Variants in ZFPM1 observed in about 807,000 individuals in gnomAD.
ZFPM1 encodes the protein zinc finger protein, FOG family member 1, also known as zinc finger protein ZFPM1.
In ZFPM1, 28 loss-of-function variants were observed where a neutral mutation model predicts 46.3. The observed-to-expected ratio is 0.60, with a 90% CI of 0.45 to 0.83. ZFPM1 has a LOEUF of 0.83. Among genes scored for constraint, ZFPM1 ranks in the 40% least tolerant of loss-of-function variants. The probability of loss-of-function intolerance (pLI) is 0.00; values close to 1 mark genes in which losing one functional copy is unlikely to be tolerated. For missense variants in ZFPM1, 1,878 were observed against 1,432.4 expected (o/e 1.31, Z -5.02); for synonymous variants, 957 against 675.9 (o/e 1.42, Z -6.45).
rs1176898991 is a variant in ZFPM1, at chr16:88,532,071, T to G, written c.782T>G (p.Leu261Arg). ...RSERNLQAHL[L>R]YYCASRQGTG... is the part of the protein sequence containing the mutation. ...GAGCGCAACCTGCAGGCGCACCTGC[T>G]CTACTACTGCGCCAGCCGCCAGGGC... The change falls in exon 7 of 10, where the codon CTC becomes CGC. Residue 261 changes from leucine to arginine, a missense_variant. Leu to Arg is a moderately radical substitution (Grantham distance 102). Transcript: ENST00000319555. 4.3e-6 allele frequency: 7 copies of G among 1,612,426 alleles called. No individual in the cohort carries two copies. Among genetic ancestry groups the G allele is most frequent in the Non-Finnish European group, 5.9e-6 (7 of 1,179,756 alleles).
intron 5 of ZFPM1, among the ~76,000 whole-genome samples, chr16:88,527,145 A>C (rs1268949920): frequency 6.6e-6 from 1 of 151,980 alleles, no homozygotes; most frequent in Non-Finnish European, 1.5e-5. Context: ...GAGCCAGGAC[A>C]GGTGTCCGTG....
chr16:88,483,862 C>A (rs1465806785), intron 1 of ZFPM1, among the ~76,000 whole-genome samples: 1 of 152,212 alleles, frequency 6.6e-6, no homozygotes, highest in Admixed American at 6.5e-5. Context: ...CGCAGAAAAT[C>A]CACCTTCCCG....
intron 1 of ZFPM1, among the ~76,000 whole-genome samples, chr16:88,475,188 A>C (rs961203995): frequency 6.6e-6 from 1 of 152,246 alleles, no homozygotes; most frequent in Non-Finnish European, 1.5e-5. Context: ...GCACCAGAGC[A>C]GGCGAGGCAG....
chr16:88,534,513 C>G lies in ZFPM1; in HGVS notation c.2555C>G (p.Pro852Arg). ...CCACCGCCCGGCGCGCTCGGCCTGC[C>G]CGCCGCCGCCTGCCCCTACTGCCCC... ...AAPPPGALGL[P>R]AAACPYCPPN... The change falls in exon 10 of 10, where the codon CCC becomes CGC. Residue 852 changes from proline (P) to arginine (R), a missense_variant. Transcript: ENST00000319555. 1 of 1,444,300 alleles carries G rather than the reference C, an allele frequency of 6.9e-7. No individual in the cohort carries two copies. Among genetic ancestry groups the G allele is most frequent in the South Asian group, 1.3e-5 (1 of 76,516 alleles). The allele number at this position is 1,444,300 out of a possible 1,614,324, so 89.5% of individuals were successfully genotyped here. A position where few individuals can be genotyped will look rare whatever the true frequency, so the allele number is the denominator to read the frequency against.
chr16:88,491,615 C>T (rs908454827), intron 3 of ZFPM1, among the ~76,000 whole-genome samples: 6 of 152,196 alleles, frequency 3.9e-5, no homozygotes, highest in African/African-American at 7.2e-5. Context: ...GTTCTCCAGA[C>T]GGAGAAGGCC....
At position 88,514,408 on chromosome 16, in the gene ZFPM1, A is replaced by C; in HGVS notation, c.290A>C (p.Gln97Pro). Reference protein sequence around the residue: ...SGPDELEPVVQDGQRRIRARL... With the variant: ...SGPDELEPVVPDGQRRIRARL... ...GCAGACGAGCTGGAGCCGGTGGTGC[A>C]GGATGGGCAGAGGCGCATACGGGCC... Residue 97 changes from glutamine (Q) to proline (P), a missense_variant, in exon 4 of 10, where the codon CAG (glutamine) becomes CCG (proline). Transcript: ENST00000319555. The C allele has an allele frequency of 6.4e-7, 1 of 1,564,032 alleles. No homozygotes were observed. Among genetic ancestry groups the C allele is most frequent in the Non-Finnish European group, 8.7e-7 (1 of 1,154,754 alleles).
Position 88,532,713 on chromosome 16 carries a change from G to C in ZFPM1, c.1042+4G>C. 2.5e-6 allele frequency: 4 copies of C among 1,612,048 alleles called. No homozygotes were observed. The highest frequency in any genetic ancestry group is 3.4e-6 in the Non-Finnish European group (4 of 1,179,416). The stretch of plus-strand genomic sequence containing the variant: ...GTGCACACGGACACGCTGAGCGGTA[G>C]GCACCGCAGGGGCCGGGGGGTGTGT... On this transcript the variant is annotated splice_donor_region_variant and intron_variant, in intron 8 of 9. Transcript: ENST00000319555.
intron 1 of ZFPM1, among the ~76,000 whole-genome samples, chr16:88,475,718 C>G (rs1040007354): frequency 6.6e-6 from 1 of 152,218 alleles, no homozygotes; most frequent in African/African-American, 2.4e-5. Context: ...CCGAGGCTCG[C>G]TGGCCACTGC....
At position 88,467,085 on chromosome 16, in the gene ZFPM1, G is replaced by A. The variant is rs142837102; in HGVS notation, c.40+13407G>A. Among the ~76,000 whole-genome samples, 1,181 of 152,196 alleles carry A rather than the reference G, an allele frequency of 7.8e-3. 21 individuals are homozygous for A. The highest frequency in any genetic ancestry group is 0.027 in the African/African-American group (1,135 of 41,498). ...AATCCTACTGGCATTCTTCCTGCAC[G>A]GTTTTCCGCCAACGGCTACAGTGTG... On this transcript the variant is annotated intron_variant, in intron 1 of 9. Transcript: ENST00000319555.
intron 1 of ZFPM1, among the ~76,000 whole-genome samples, chr16:88,476,055 C>T: frequency 6.6e-6 from 1 of 152,128 alleles, no homozygotes; most frequent in East Asian, 1.9e-4. Flanking sequence ...TCTCATCCCT[C>T]TCCTCGTGGT....
rs984988158 is a variant in ZFPM1, at chr16:88,469,067, C to T, written c.40+15389C>T. ...TCCCGAGAGGAGTGCAGCCAGCAGCCACTCCCAGATGGGAACAGCGAGTTT... is the reference window on the plus strand; with the variant it reads ...TCCCGAGAGGAGTGCAGCCAGCAGCTACTCCCAGATGGGAACAGCGAGTTT... On this transcript the variant is annotated intron_variant, in intron 1 of 9. Coordinates refer to ENST00000319555, the MANE Select transcript of ZFPM1 (RefSeq NM_153813.3). The surrounding 1 kb of genome is among the most constrained non-coding windows in gnomAD (Gnocchi z 4.3). 3 of 154,288 alleles carry T rather than the reference C, an allele frequency of 1.9e-5. No homozygotes were observed. Among genetic ancestry groups the T allele is most frequent in the African/African-American group, 4.8e-5 (2 of 41,536 alleles). 9.6% of individuals were successfully genotyped at this position (154,288 alleles called of 1,614,324 possible).
At chr16:88,491,400 C>T (rs1909566035) in intron 3 of ZFPM1, among the ~76,000 whole-genome samples, 1 of 152,240 alleles carries the variant, frequency 6.6e-6, no homozygotes, top group African/African-American at 2.4e-5. Context: ...GCAGTCCTCA[C>T]ACCAGCCCCA....
chr16:88,454,013 C>T (rs886401278), intron 1 of ZFPM1, among the ~76,000 whole-genome samples: 2 of 152,190 alleles, frequency 1.3e-5, no homozygotes, highest in African/African-American at 4.8e-5. Context: ...AGGGCGGCCC[C>T]GATCTGGGCT....
chr16:88,463,766 C>T (rs1374419502), intron 1 of ZFPM1, among the ~76,000 whole-genome samples: 4 of 152,234 alleles, frequency 2.6e-5, no homozygotes, highest in African/African-American at 7.2e-5. Flanking sequence ...GGCCAGGGGA[C>T]GCCCGTCTTC....
rs1909982862 is a variant in ZFPM1, at chr16:88,497,282, G to A, written c.268+8129G>A. Among the ~76,000 whole-genome samples the A allele has an allele frequency of 6.7e-6, 1 of 150,164 alleles. No homozygotes were observed. Among genetic ancestry groups the A allele is most frequent in the Non-Finnish European group, 1.5e-5 (1 of 68,002 alleles). ...GGCCCCAGCCCCAGCCCCAGCCCCA[G>A]CCCCATTCCAAGGTGTGACAGACAC... On this transcript the variant is annotated intron_variant, in intron 3 of 9. Transcript: ENST00000319555. This position sits in a 1 kb window ranked among gnomAD's most constrained non-coding sequence, Gnocchi z 5.4.
At chr16:88,533,051 T>TGCCCCCC in intron 9 of ZFPM1, 97 bp from the exon 10 acceptor site, 32 of 1,351,542 alleles carry the variant, frequency 2.4e-5, no homozygotes, top group Non-Finnish European at 2.8e-5. Context: ...TCTAAACCAC[T>TGCCCCCC]CCCGCCCACC....
intron 3 of ZFPM1, among the ~76,000 whole-genome samples, chr16:88,502,221 C>T (rs1355551492): frequency 2.0e-5 from 3 of 152,088 alleles, no homozygotes; most frequent in Admixed American, 6.5e-5. Context: ...ACAAAGGGGC[C>T]GCCATCGGCT....
intron 1 of ZFPM1, among the ~76,000 whole-genome samples, chr16:88,458,266 A>C (rs563813586): frequency 3.3e-5 from 5 of 152,314 alleles, no homozygotes; most frequent in Admixed American, 1.3e-4. Flanking sequence ...CACATCTGTG[A>C]AATGGGCCTT....
intron 1 of ZFPM1, among the ~76,000 whole-genome samples, chr16:88,453,915 C>G (rs1032991854): frequency 1.2e-4 from 18 of 152,010 alleles, no homozygotes; most frequent in Admixed American, 2.0e-4. Flanking sequence ...GCCCGGAGGC[C>G]GGGAGGAGGG....
Sources: allele counts gnomAD v4.1 joint callset (sites outside exome capture counted in the v4.1 genomes callset), GRCh38; gene constraint gnomAD v4.1.1; non-coding constraint Gnocchi (gnomAD v3.1); transcripts MANE v1.5; gene names NCBI Gene and HGNC (gene_info 2026-07-23, HGNC 2026-07-21).